Variants in FDXR observed in about 807,000 individuals in gnomAD.
The protein encoded by FDXR is ferredoxin reductase, also known as NADPH:adrenodoxin oxidoreductase, mitochondrial.
FDXR carries 38 observed loss-of-function variants against 58.3 expected under a neutral mutation model. That is an observed-to-expected ratio of 0.65 (90% CI 0.50 to 0.85). The LOEUF is 0.85. Ranked by LOEUF, FDXR falls within the 40% of genes least tolerant of loss-of-function variation. The pLI, the probability that FDXR is intolerant of heterozygous loss-of-function variation, is 0.00. For missense variants in FDXR, 624 were observed against 671.0 expected (o/e 0.93, Z 0.77); for synonymous variants, 275 against 273.8 (o/e 1.00, Z -0.04).
chr17:74,865,569 GC>G lies in FDXR; in HGVS notation c.609+149del, dbSNP rs1478713952. ...GGTAGAAGAGGAAGCTCATGGCACT[GC>G]CCTTCAGAGAGCCTCTGCCTGGGCA... On this transcript the variant is annotated intron_variant, in intron 6 of 11. Transcript: ENST00000293195. The G allele has an allele frequency of 1.3e-5, 8 of 597,684 alleles. No individual in the cohort carries two copies. The East Asian group carries it at 2.0e-4, about 15-fold the overall frequency. The allele number at this position is 597,684 out of a possible 1,614,324, so 37.0% of individuals were successfully genotyped here.
rs1260832052 is a variant in FDXR at position 74,862,583 on chromosome 17, G to A, written c.*234C>T. 3.7e-6 allele frequency: 2 copies of A among 539,166 alleles called. No homozygotes were observed. The highest frequency in any genetic ancestry group is 3.8e-5 in the African/African-American group (2 of 52,848). 33.4% of individuals were successfully genotyped at this position (539,166 alleles called of 1,614,324 possible). ...CAGTAGAGAGATGGGTAAGGGGTTA[G>A]ATCGGCCCACACCTCCACCTGTCCC... On this transcript the variant is annotated 3_prime_UTR_variant, in exon 12 of 12. Coordinates refer to ENST00000293195, the MANE Select transcript of FDXR (RefSeq NM_024417.5).
At chr17:74,872,183 C>T in intron 1 of FDXR, 50 bp from the exon 2 acceptor site, 1 of 1,582,680 alleles carries the variant, frequency 6.3e-7, no homozygotes, top group East Asian at 2.3e-5. Context: ...CTTCTCTCCC[C>T]AGTCCCAAAC....
At position 74,866,341 on chromosome 17, in the gene FDXR, C is replaced by T. The variant is rs375878174; in HGVS notation, c.394-97G>A. The T allele has an allele frequency of 9.8e-4, 1,539 of 1,572,312 alleles. 29 individuals carry two copies. The South Asian group carries it at 0.015, about 15-fold the overall frequency. ...GCTCCCAGCGGCCTCCTTCCAGCTT[C>T]TCAGCAGCTTGCATCCTGGCCTCAC... On this transcript the variant is annotated intron_variant, in intron 4 of 11. Transcript: ENST00000293195.
chr17:74,872,615 C>G (rs2038411128), intron 1 of FDXR: 2 of 788,688 alleles, frequency 2.5e-6, no homozygotes, highest in East Asian at 5.4e-5. Flanking sequence ...TCCATTCACC[C>G]CGTCTCACAC....
Position 74,868,814 on chromosome 17 carries a change from G to A in FDXR, c.178-1938C>T, listed in dbSNP as rs559582978. The A allele has an allele frequency of 1.1e-4, 148 of 1,375,888 alleles. 4 individuals are homozygous for A. The South Asian group carries it at 1.9e-3, about 17-fold the overall frequency. 85.2% of individuals were successfully genotyped at this position (1,375,888 alleles called of 1,614,324 possible). On this transcript the variant is annotated intron_variant, in intron 2 of 11. Transcript: ENST00000293195. ...GAGGATTTAACCCACTCCCTCCTGC[G>A]ACCCCAAATTCCCCTGAACTTGCTG...
At chr17:74,871,500 C>T (rs983201472) in intron 2 of FDXR, among the ~76,000 whole-genome samples, 1 of 152,180 alleles carries the variant, frequency 6.6e-6, no homozygotes, top group East Asian at 1.9e-4. Flanking sequence ...GGCTTGGGGC[C>T]CTTCCTGCCG....
rs1567910923 is a variant in FDXR at position 74,864,929 on chromosome 17, T to C, written c.612A>G (p.Arg204=). 1.2e-6 allele frequency: 2 copies of C among 1,614,082 alleles called. No individual in the cohort carries two copies. The highest frequency in any genetic ancestry group is 1.3e-5 in the African/African-American group (1 of 75,022). Residue 204 remains arginine, a splice_region_variant and synonymous_variant, in exon 7 of 12, where the codon AGA becomes AGG. Transcript: ENST00000293195. ...CCAGGGCTGCCTTCGTGATGTCCGT[T>C]CTCTGGCACAAAAGGAGGGCCTTGG... is the stretch of plus-strand genomic sequence containing the variant. ...ILLTPPEHLE[R]TDITKAALGV...
Position 74,872,071 on chromosome 17 carries a change from G to A in FDXR, c.142C>T (p.Pro48Ser), listed in dbSNP as rs780270736. 3.7e-6 allele frequency: 6 copies of A among 1,604,336 alleles called. No individual in the cohort carries two copies. In the Admixed American group the frequency reaches 6.8e-5, roughly 18 times the overall value. ...TPQICVVGSGPAGFYTAQHLL... is the reference protein window; with the variant it reads ...TPQICVVGSGSAGFYTAQHLL... ...TGTTGGGCCGTGTAGAAGCCAGCTG[G>A]GCCACTGCCCACCACACAGATCTGG... The change falls in exon 2 of 12, where the codon CCA becomes TCA. Residue 48 changes from proline to serine, a missense_variant. By Grantham distance (74) the Pro-to-Ser change is moderately conservative. Coordinates refer to ENST00000293195, the MANE Select transcript of FDXR (RefSeq NM_024417.5).
Position 74,863,299 on chromosome 17 carries a change from G to C in FDXR, c.1175-53C>G, listed in dbSNP as rs2038041901. 2.6e-6 allele frequency: 4 copies of C among 1,533,780 alleles called. No individual in the cohort carries two copies. In the East Asian group the frequency reaches 7.0e-5, roughly 27 times the overall value. ...GAGGGAGGTGGCTGGATACCACCCT[G>C]GCCATCCTGTGCCCACAATCTACAC... On this transcript the variant is annotated intron_variant, in intron 10 of 11. Coordinates refer to ENST00000293195, the MANE Select transcript of FDXR (RefSeq NM_024417.5).
rs201450571 is a variant in FDXR, at chr17:74,864,278, G to A, written c.872C>T (p.Ala291Val). 1.8e-3 allele frequency: 2,800 copies of A among 1,596,070 alleles called. 9 individuals carry two copies. Among genetic ancestry groups the A allele is most frequent in the Non-Finnish European group, 1.8e-3 (2,092 of 1,168,020 alleles). The part of the protein sequence containing the change: ...LRTATEKPGP[A>V]EAARQASASR... ...GGCCGATGCCTGGCGGGCAGCTTCC[G>A]CCGGCCCTGGCTTCTCTGTGGCCGT... Residue 291 changes from alanine (A) to valine (V), a missense_variant, in exon 9 of 12, where the codon GCG becomes GTG. Ala to Val is a moderately conservative substitution (Grantham distance 64). Coordinates refer to ENST00000293195, the MANE Select transcript of FDXR (RefSeq NM_024417.5).
chr17:74,867,123 A>G, intron 2 of FDXR: 2 of 685,296 alleles, frequency 2.9e-6, no homozygotes, highest in South Asian at 2.0e-5. Flanking sequence ...CCTGACCAAC[A>G]TGGTGAAACC....
At chr17:74,870,049 A>G in intron 2 of FDXR, 1 of 427,938 alleles carries the variant, frequency 2.3e-6, no homozygotes, top group Non-Finnish European at 4.9e-6. Context: ...CCACTGTCCC[A>G]AACGTGCTGC....
At position 74,872,954 on chromosome 17, in the gene FDXR, C is replaced by A. The variant is rs771541486; in HGVS notation, c.-10G>T. 6.4e-7 allele frequency: 1 copy of A among 1,550,574 alleles called. No individual in the cohort carries two copies. The highest frequency in any genetic ancestry group is 8.7e-7 in the Non-Finnish European group (1 of 1,147,426). ...AGCAGCGCGAAGCCATGGCTGGGAG[C>A]AGCAACCTGCAAGTGGATCTGTTCC... On this transcript the variant is annotated 5_prime_UTR_variant, in exon 1 of 12. Coordinates refer to ENST00000293195, the MANE Select transcript of FDXR (RefSeq NM_024417.5).
rs745307985 is a variant in FDXR at position 74,863,905 on chromosome 17, C to T, written c.1165G>A (p.Asp389Asn). 1 of 1,612,816 alleles carries T rather than the reference C, an allele frequency of 6.2e-7. No homozygotes were observed. The highest frequency in any genetic ancestry group is 8.5e-7 in the Non-Finnish European group (1 of 1,179,164). The change falls in exon 10 of 12, where the codon GAT (aspartate) becomes AAT (asparagine). Residue 389 changes from aspartate to asparagine, a missense_variant. Transcript: ENST00000293195. Reference sequence around the variant, plus strand: ...CCTCACACCCTCTCACCTGGCACATCCATAACCCGGCCCTCCACATTGGGG... The same window carrying T: ...CCTCACACCCTCTCACCTGGCACATTCATAACCCGGCCCTCCACATTGGGG... ...VIPNVEGRVM[D>N]VPGLYCSGWV...
rs755725171 is a variant in FDXR at position 74,864,248 on chromosome 17, C to T, written c.902G>A (p.Arg301His). The change falls in exon 9 of 12, where the codon CGT (arginine) becomes CAT (histidine). Residue 301 changes from arginine to histidine, a missense_variant. By Grantham distance (29) the Arg-to-His change is conservative. Transcript: ENST00000293195. ...AEAARQASAS[R>H]AWGLRFFRSP... ...TCGGAAAAAGCGGAGGCCCCAGGCACGGGAGGCCGATGCCTGGCGGGCAGC... is the reference window on the plus strand; with the variant it reads ...TCGGAAAAAGCGGAGGCCCCAGGCATGGGAGGCCGATGCCTGGCGGGCAGC... The T allele has an allele frequency of 9.4e-6, 15 of 1,603,082 alleles. No homozygotes were observed. Among genetic ancestry groups the T allele is most frequent in the South Asian group, 1.1e-5 (1 of 90,914 alleles).
chr17:74,872,707 C>G lies in FDXR; in HGVS notation c.79+159G>C, dbSNP rs556268981. ...GAAGCCTCACATCTCACGCACAGATCTCCGCCCACCCCCGTACACCACCGG... is the reference window on the plus strand; with the variant it reads ...GAAGCCTCACATCTCACGCACAGATGTCCGCCCACCCCCGTACACCACCGG... On this transcript the variant is annotated intron_variant, in intron 1 of 11. Coordinates refer to ENST00000293195, the MANE Select transcript of FDXR (RefSeq NM_024417.5). The G allele has an allele frequency of 2.7e-6, 4 of 1,469,508 alleles. No individual in the cohort carries two copies. The South Asian group carries it at 5.1e-5, about 19-fold the overall frequency. 91.0% of individuals were successfully genotyped at this position (1,469,508 alleles called of 1,614,324 possible). A position where few individuals can be genotyped will look rare whatever the true frequency, so the allele number is the denominator to read the frequency against.
Position 74,862,899 on chromosome 17 carries a change from TCCTC to T in FDXR, c.1390_1393del (p.Glu464ArgfsTer59). Reference sequence around the variant, plus strand: ...CCCCGTGCCCTGGCCCCGGGCCACCTCCTCGGCATCCAGCTTCTCCCAGTCTGAG... The same window carrying T: ...CCCCGTGCCCTGGCCCCGGGCCACCTGGCATCCAGCTTCTCCCAGTCTGAG... On this transcript the variant is annotated frameshift_variant, in exon 12 of 12. Transcript: ENST00000293195. LOFTEE classifies it high-confidence loss of function. The T allele has an allele frequency of 1.2e-6, 2 of 1,613,096 alleles. No individual in the cohort carries two copies. Among genetic ancestry groups the T allele is most frequent in the Non-Finnish European group, 1.7e-6 (2 of 1,179,968 alleles).
intron 2 of FDXR, among the ~76,000 whole-genome samples, chr17:74,870,516 C>CA (rs1168237892): frequency 0.051 from 2,823 of 54,954 alleles, 314 homozygotes; most frequent in East Asian, 0.24. Context: ...GACTCCATCT[C>CA]AAAAAAAAAA....
intron 8 of FDXR, 22 bp from the exon 9 acceptor site, chr17:74,864,369 T>A: frequency 6.3e-7 from 1 of 1,586,600 alleles, no homozygotes; most frequent in Non-Finnish European, 8.6e-7. Context: ...GTAGAATGTC[T>A]CCAGGCTGTC....
Sources: allele counts gnomAD v4.1 joint callset (sites outside exome capture counted in the v4.1 genomes callset), GRCh38; gene constraint gnomAD v4.1.1; transcripts MANE v1.5; gene names NCBI Gene and HGNC (gene_info 2026-07-23, HGNC 2026-07-21).